TG: variants seen among roughly 807,000 people sequenced by gnomAD.
TG encodes the protein thyroglobulin.
TG carries 270 observed loss-of-function variants against 324.7 expected under a neutral mutation model. That is an observed-to-expected ratio of 0.83 (90% CI 0.75 to 0.92). The LOEUF (loss-of-function observed/expected upper bound fraction) is 0.92. Ranked by LOEUF, TG falls within the 40% of genes least tolerant of loss-of-function variation. The pLI, the probability that TG is intolerant of heterozygous loss-of-function variation, is 0.00. For missense variants in TG, 3,591 were observed against 3,456.4 expected, an observed-to-expected ratio of 1.04 and a Z score of -0.98; for synonymous variants, 1,401 against 1,327.0, an observed-to-expected ratio of 1.06 and a Z score of -1.21.
chr8:132,990,937 CA>C (rs1832249837), intron 35 of TG, among the ~76,000 whole-genome samples: 1 of 129,858 alleles, frequency 7.7e-6, no homozygotes, highest in African/African-American at 2.9e-5. Flanking sequence ...TTTTTTTTAG[CA>C]AAAAGTTAAT....
chr8:132,947,906 T>A (rs1207610993), intron 26 of TG, among the ~76,000 whole-genome samples: 1 of 152,244 alleles, frequency 6.6e-6, no homozygotes, highest in Non-Finnish European at 1.5e-5. Context: ...CTAAAATCAC[T>A]ATCAAATTCG....
chr8:133,077,783 G>A (rs1209622923), intron 41 of TG, among the ~76,000 whole-genome samples: 1 of 151,884 alleles, frequency 6.6e-6, no homozygotes, highest in East Asian at 1.9e-4. Flanking sequence ...GTGTGTGTGT[G>A]CGGCAGAGTT....
chr8:132,891,949 G>A (rs1256995103), intron 10 of TG, among the ~76,000 whole-genome samples: 2 of 152,164 alleles, frequency 1.3e-5, no homozygotes, highest in African/African-American at 2.4e-5. Context: ...CACTGCCAAG[G>A]ACAGCATGTG....
chr8:133,116,713 G>A lies in TG; in HGVS notation c.7859G>A (p.Gly2620Asp), dbSNP rs978923522. The A allele has an allele frequency of 1.9e-6, 3 of 1,613,944 alleles. No individual in the cohort carries two copies. The African/African-American group carries it at 4.0e-5, about 22-fold the overall frequency. The change falls in exon 45 of 48, where the codon GGC becomes GAC. Residue 2620 changes from glycine to aspartate, a missense_variant. By Grantham distance (94) the Gly-to-Asp change is moderately conservative. Coordinates refer to ENST00000220616, the MANE Select transcript of TG (RefSeq NM_003235.5). ...MYHAPENYGH[G>D]SLELLADVQF... is the part of the protein sequence containing the mutation. ...CATGCTCCTGAAAACTACGGCCATG[G>A]CAGGTAAGACGCTGCAGGGAAGCAG...
intron 41 of TG, among the ~76,000 whole-genome samples, chr8:133,083,260 T>A (rs1846021680): frequency 6.6e-6 from 1 of 152,228 alleles, no homozygotes; most frequent in African/African-American, 2.4e-5. Flanking sequence ...TTATCAAGTA[T>A]TTTTTGAACC....
intron 27 of TG, among the ~76,000 whole-genome samples, chr8:132,957,766 C>CACACACACACACACAGACAG (rs1554680122): frequency 1.4e-5 from 2 of 145,492 alleles, no homozygotes; most frequent in African/African-American, 5.1e-5. Flanking sequence ...CACACACACA[C>CACACACACACACACAGACAG]ACACACACAC....
chr8:133,122,917 A>C (rs1185644554), intron 45 of TG, among the ~76,000 whole-genome samples: 1 of 152,164 alleles, frequency 6.6e-6, no homozygotes, highest in East Asian at 1.9e-4. Flanking sequence ...AGGAAGTGGG[A>C]TTTCCAGCGC....
intron 41 of TG, among the ~76,000 whole-genome samples, chr8:133,066,252 G>A (rs1378741985): frequency 2.1e-5 from 3 of 144,562 alleles, no homozygotes; most frequent in African/African-American, 7.8e-5. Context: ...CGTGAACCCA[G>A]AAGGCAGAGC....
At chr8:132,871,815 C>A (rs1388056828) in intron 4 of TG, among the ~76,000 whole-genome samples, 1 of 152,216 alleles carries the variant, frequency 6.6e-6, no homozygotes, top group Non-Finnish European at 1.5e-5. Context: ...TGAGTCACTG[C>A]ATGGGTCTCT....
chr8:132,954,292 T>C (rs1826543178), intron 27 of TG, among the ~76,000 whole-genome samples: 1 of 152,150 alleles, frequency 6.6e-6, no homozygotes, highest in Admixed American at 6.5e-5. Context: ...CTGTCACAGG[T>C]TGTGCATTGC....
intron 34 of TG, among the ~76,000 whole-genome samples, chr8:132,973,722 G>A (rs868531941): frequency 6.6e-5 from 10 of 152,184 alleles, no homozygotes; most frequent in South Asian, 2.1e-4. Flanking sequence ...TCTTCATCCT[G>A]TGTCCCAGAA....
At chr8:133,096,632 A>G (rs1043602856) in intron 43 of TG, among the ~76,000 whole-genome samples, 2 of 152,176 alleles carry the variant, frequency 1.3e-5, no homozygotes, top group Admixed American at 6.5e-5. Context: ...GAAGCTCTGC[A>G]GCTCAGGGCT....
intron 23 of TG, among the ~76,000 whole-genome samples, chr8:132,930,278 G>A (rs940873421): frequency 6.6e-6 from 1 of 152,232 alleles, no homozygotes; most frequent in Non-Finnish European, 1.5e-5. Flanking sequence ...GTAGATGTGA[G>A]GAATCAGCAT....
intron 45 of TG, among the ~76,000 whole-genome samples, chr8:133,122,445 C>T (rs995640891): frequency 8.5e-5 from 13 of 152,224 alleles, no homozygotes; most frequent in African/African-American, 3.1e-4. Flanking sequence ...CGTCCCTGAG[C>T]CAGTGAGTAG....
intron 22 of TG, among the ~76,000 whole-genome samples, chr8:132,927,340 G>C (rs914112366): frequency 2.0e-5 from 3 of 151,834 alleles, no homozygotes; most frequent in Non-Finnish European, 4.4e-5. Context: ...TGGCTAGTGA[G>C]GGTTCAAATA....
Position 132,941,498 on chromosome 8 carries a change from G to A in TG, c.5189G>A (p.Arg1730His), listed in dbSNP as rs558908602. 24 of 1,614,200 alleles carry A rather than the reference G, an allele frequency of 1.5e-5. No individual in the cohort carries two copies. The highest frequency in any genetic ancestry group is 6.7e-5 in the African/African-American group (5 of 75,040). ...AHLFCLLACDRDLCCDGFVLT... is the reference protein window; with the variant it reads ...AHLFCLLACDHDLCCDGFVLT... ...CTCTTCTGTCTTCTTGCATGCGACC[G>A]TGATCTGTGTTGCGATGGCTTCGTC... is the stretch of plus-strand genomic sequence containing the variant. The change falls in exon 26 of 48, where the codon CGT (arginine) becomes CAT (histidine). Residue 1730 changes from arginine to histidine, a missense_variant. Arg to His is a conservative substitution (Grantham distance 29, BLOSUM62 0). Coordinates refer to ENST00000220616, the MANE Select transcript of TG (RefSeq NM_003235.5).
chr8:133,005,175 T>A (rs896459212), intron 35 of TG, among the ~76,000 whole-genome samples: 1 of 152,166 alleles, frequency 6.6e-6, no homozygotes, highest in Admixed American at 6.5e-5. Context: ...GCAGCAAGTT[T>A]CCCATGAAAA....
rs574033073 is a variant in TG, at chr8:132,938,431, G to A, written c.5041+2567G>A. 2.6e-4 allele frequency among the ~76,000 whole-genome samples: 40 copies of A among 152,266 alleles called. No homozygotes were observed. The South Asian group carries it at 7.9e-3, about 30-fold the overall frequency. On this transcript the variant is annotated intron_variant, in intron 25 of 47. Transcript: ENST00000220616. ...CCCAACCCCTCATCTCACAGATGAG[G>A]TCTAGGAAAAGGAACCATCTTACTA...
rs1263856215 is a variant in TG at position 133,082,602 on chromosome 8, G to A, written c.7240-12442G>A. On this transcript the variant is annotated intron_variant, in intron 41 of 47. Transcript: ENST00000220616. Reference sequence around the variant, plus strand: ...GGACATTGAGCAATAAGGCCTTTGCGGCTAGCTTCCCCACGTCACCGGAGT... The same window carrying A: ...GGACATTGAGCAATAAGGCCTTTGCAGCTAGCTTCCCCACGTCACCGGAGT... 2.0e-5 allele frequency among the ~76,000 whole-genome samples: 3 copies of A among 152,248 alleles called. No individual in the cohort carries two copies. The South Asian group carries it at 6.2e-4, about 32-fold the overall frequency.
Sources: gnomAD v4.1 joint callset for allele counts (sites outside exome capture counted in the v4.1 genomes callset) on GRCh38, gnomAD v4.1.1 for gene constraint, MANE v1.5 for transcripts, NCBI Gene and HGNC (gene_info 2026-07-23, HGNC 2026-07-21) for gene names.